ANKS1B: variants seen among roughly 807,000 people sequenced by gnomAD.
The protein encoded by ANKS1B is ankyrin repeat and sterile alpha motif domain-containing protein 1B.
ANKS1B carries 36 observed loss-of-function variants against 148.3 expected under a neutral mutation model. The ratio of observed to expected loss-of-function variants is 0.24; its 90% CI spans 0.19 to 0.32. ANKS1B has a LOEUF of 0.32. Ranked by LOEUF, ANKS1B falls within the 10% of genes least tolerant of loss-of-function variation. The probability of loss-of-function intolerance (pLI) is 1.00; values close to 1 mark genes in which losing one functional copy is unlikely to be tolerated. For synonymous variants in ANKS1B, 542 were observed against 560.8 expected (o/e 0.97, Z 0.47); for missense variants, 1,157 against 1,542.6 (o/e 0.75, Z 4.19).
At chr12:99,421,415 G>A (rs906451065) in intron 11 of ANKS1B, among the ~76,000 whole-genome samples, 8 of 152,188 alleles carry the variant, frequency 5.3e-5, no homozygotes, top group African/African-American at 1.7e-4. Flanking sequence ...GAAACCTTCC[G>A]GGGGCGTCTC....
intron 1 of ANKS1B, among the ~76,000 whole-genome samples, chr12:99,887,030 T>C (rs1354762687): frequency 6.6e-6 from 1 of 152,216 alleles, no homozygotes; most frequent in East Asian, 1.9e-4. Context: ...CTATCTTGTA[T>C]CTTTCAACCT....
At chr12:99,147,441 A>G (rs1341094147) in intron 15 of ANKS1B, among the ~76,000 whole-genome samples, 1 of 152,144 alleles carries the variant, frequency 6.6e-6, no homozygotes, top group African/African-American at 2.4e-5. Context: ...AGGATCCTAA[A>G]TATGAAAACC....
intron 15 of ANKS1B, among the ~76,000 whole-genome samples, chr12:99,114,751 CAA>C (rs565604867): frequency 1.6e-5 from 2 of 127,876 alleles, no homozygotes; most frequent in African/African-American, 2.9e-5. Flanking sequence ...GACTCTGTCT[CAA>C]AAAAAAAAAG....
intron 15 of ANKS1B, among the ~76,000 whole-genome samples, chr12:99,112,358 T>TA (rs2060464481): frequency 6.6e-6 from 1 of 152,132 alleles, no homozygotes. Context: ...TAGTATTTTA[T>TA]ATTTGGGTGA....
chr12:98,755,668 G>A (rs1009339330), intron 25 of ANKS1B, among the ~76,000 whole-genome samples: 1 of 152,184 alleles, frequency 6.6e-6, no homozygotes, highest in African/African-American at 2.4e-5. Context: ...ACATGCAGTA[G>A]CATATTATCC....
rs138698541 is a variant in ANKS1B, at chr12:99,038,612, C to T, written c.2778+14545G>A. On this transcript the variant is annotated intron_variant, in intron 17 of 26. Coordinates refer to ENST00000683438, the MANE Select transcript of ANKS1B (RefSeq NM_001352186.2). ...GCTCACATTTAGATTACTATGCAAC[C>T]CCTCTCCACAGCTCACAATACCTGA... 2.6e-5 allele frequency among the ~76,000 whole-genome samples: 4 copies of T among 152,308 alleles called. No individual in the cohort carries two copies. The East Asian group carries it at 7.7e-4, about 29-fold the overall frequency.
At chr12:99,479,848 T>C (rs542924194) in intron 10 of ANKS1B, among the ~76,000 whole-genome samples, 13 of 151,996 alleles carry the variant, frequency 8.6e-5, no homozygotes, top group South Asian at 6.2e-4. Flanking sequence ...AGTTAATACA[T>C]TGTATATTTC....
intron 9 of ANKS1B, among the ~76,000 whole-genome samples, chr12:99,612,953 T>C (rs185192211): frequency 4.5e-4 from 69 of 152,112 alleles, no homozygotes; most frequent in African/African-American, 1.6e-3. Flanking sequence ...AAGTAATGAG[T>C]TAGCAAGCTG....
intron 17 of ANKS1B, among the ~76,000 whole-genome samples, chr12:99,009,651 C>A (rs2099938121): frequency 6.6e-6 from 1 of 152,066 alleles, no homozygotes; most frequent in African/African-American, 2.4e-5. Context: ...CTCCATAAGG[C>A]AGGGTGGGCC....
chr12:99,637,999 C>T (rs1192865410), intron 9 of ANKS1B, among the ~76,000 whole-genome samples: 1 of 151,922 alleles, frequency 6.6e-6, no homozygotes, highest in Non-Finnish European at 1.5e-5. Context: ...CTGCTTTTCT[C>T]TGACAGTGAG....
chr12:99,110,173 G>C (rs2060009809), intron 15 of ANKS1B, among the ~76,000 whole-genome samples: 1 of 152,180 alleles, frequency 6.6e-6, no homozygotes, highest in African/African-American at 2.4e-5. Flanking sequence ...ACCTGGCTAG[G>C]TGTTGTAAGA....
intron 14 of ANKS1B, among the ~76,000 whole-genome samples, chr12:99,236,704 A>G (rs1403899708): frequency 1.3e-5 from 2 of 152,188 alleles, no homozygotes; most frequent in African/African-American, 4.8e-5. Context: ...ACTATGTTGA[A>G]TAGGAATAAG....
At position 99,735,807 on chromosome 12, in the gene ANKS1B, C is replaced by CAAAAA. The variant is rs376398944; in HGVS notation, c.1128+37110_1128+37114dup. 4.8e-4 allele frequency among the ~76,000 whole-genome samples: 52 copies of CAAAAA among 108,914 alleles called. 4 individuals are homozygous for CAAAAA. Among genetic ancestry groups the CAAAAA allele is most frequent in the Admixed American group, 7.9e-4 (8 of 10,074 alleles). 71.5% of individuals were successfully genotyped at this position (108,914 alleles called of 152,430 possible). ...ACTAAAGCCAGACAAGGACATATAC[C>CAAAAA]AAAAAAAAAAAAAAAAAGAATATCC... On this transcript the variant is annotated intron_variant, in intron 8 of 26. Transcript: ENST00000683438.
intron 17 of ANKS1B, among the ~76,000 whole-genome samples, chr12:98,889,207 T>G (rs1263926067): frequency 6.6e-6 from 1 of 152,180 alleles, no homozygotes; most frequent in African/African-American, 2.4e-5. Context: ...AAAATCAACA[T>G]GATGAATTAT....
In ANKS1B at chr12:98,950,173, G is replaced by T. The variant is rs144318486; in HGVS notation, c.2778+102984C>A. Among the ~76,000 whole-genome samples, 620 of 152,290 alleles carry T rather than the reference G, an allele frequency of 4.1e-3. 4 individuals are homozygous for T. Among genetic ancestry groups the T allele is most frequent in the African/African-American group, 0.014 (584 of 41,558 alleles). On this transcript the variant is annotated intron_variant, in intron 17 of 26. Coordinates refer to ENST00000683438, the MANE Select transcript of ANKS1B (RefSeq NM_001352186.2). ...CCCAAGGGTTCAACCACATAATGAC[G>T]CATTGAAGGATGTCTATTACAATCA...
intron 1 of ANKS1B, among the ~76,000 whole-genome samples, chr12:99,978,648 C>A (rs1160116733): frequency 6.6e-6 from 1 of 152,202 alleles, no homozygotes; most frequent in East Asian, 1.9e-4. Context: ...CCAATAACCA[C>A]AATTGCCCAA....
intron 17 of ANKS1B, among the ~76,000 whole-genome samples, chr12:98,962,908 AAC>A (rs1469368777): frequency 5.9e-5 from 9 of 152,206 alleles, no homozygotes; most frequent in African/African-American, 1.9e-4. Flanking sequence ...TAATAATGGA[AAC>A]ACAACATACC....
intron 14 of ANKS1B, among the ~76,000 whole-genome samples, chr12:99,174,577 A>C (rs2078156979): frequency 6.6e-6 from 1 of 152,178 alleles, no homozygotes; most frequent in African/African-American, 2.4e-5. Flanking sequence ...ACAGGGCATA[A>C]GATTGCAAAG....
chr12:99,187,364 A>C (rs2080008843), intron 14 of ANKS1B, among the ~76,000 whole-genome samples: 1 of 152,136 alleles, frequency 6.6e-6, no homozygotes, highest in Admixed American at 6.5e-5. Flanking sequence ...CTTCATGAGA[A>C]GAACAACCCC....
Sources: allele counts gnomAD v4.1 joint callset (sites outside exome capture counted in the v4.1 genomes callset), GRCh38; gene constraint gnomAD v4.1.1; transcripts MANE v1.5; gene names NCBI Gene and HGNC (gene_info 2026-07-23, HGNC 2026-07-21).